Variants in IGF2BP3 observed in about 807,000 individuals in gnomAD.
The protein encoded by IGF2BP3 is insulin-like growth factor 2 mRNA-binding protein 3.
Under a neutral mutation model 73.8 loss-of-function variants are expected in IGF2BP3, and 9 were observed. The observed-to-expected ratio is 0.12, with a 90% confidence interval of 0.07 to 0.21. The LOEUF is 0.21. IGF2BP3 is among the 10% of genes least tolerant of loss of function. The pLI is 1.00. For missense variants in IGF2BP3, 542 were observed against 714.0 expected (o/e 0.76, Z 2.75); for synonymous variants, 258 against 256.7 (o/e 1.01, Z -0.05).
intron 10 of IGF2BP3, among the ~76,000 whole-genome samples, chr7:23,324,202 G>T (rs1169500100): frequency 2.0e-5 from 3 of 151,170 alleles, no homozygotes; most frequent in African/African-American, 4.9e-5. Context: ...AAAGAGAGAA[G>T]AATCAAATAG....
chr7:23,337,017 T>C (rs1784591328), intron 10 of IGF2BP3, among the ~76,000 whole-genome samples: 1 of 152,070 alleles, frequency 6.6e-6, no homozygotes, highest in African/African-American at 2.4e-5. Flanking sequence ...TTTACTGCCT[T>C]TAAAAACAAT....
chr7:23,388,384 G>C (rs1369302230), intron 3 of IGF2BP3, among the ~76,000 whole-genome samples: 1 of 152,150 alleles, frequency 6.6e-6, no homozygotes, highest in African/African-American at 2.4e-5. Flanking sequence ...AACTGACAAT[G>C]CACAGATGAA....
chr7:23,388,650 A>G (rs1401774040), intron 3 of IGF2BP3, among the ~76,000 whole-genome samples: 1 of 149,340 alleles, frequency 6.7e-6, no homozygotes, highest in Non-Finnish European at 1.5e-5. Context: ...ACATTCCCCA[A>G]GGGAGGAGAT....
At chr7:23,376,519 A>G (rs1483946807) in intron 3 of IGF2BP3, among the ~76,000 whole-genome samples, 1 of 143,202 alleles carries the variant, frequency 7.0e-6, no homozygotes, top group Admixed American at 7.2e-5. Flanking sequence ...TGGGCAACAG[A>G]GTAAGGCTCC....
At chr7:23,427,977 G>A (rs572624705) in intron 2 of IGF2BP3, among the ~76,000 whole-genome samples, 39 of 152,154 alleles carry the variant, frequency 2.6e-4, no homozygotes, top group African/African-American at 8.7e-4. Flanking sequence ...CTGCACTCCA[G>A]CCTGGGTGAC....
intron 2 of IGF2BP3, among the ~76,000 whole-genome samples, chr7:23,449,932 C>G (rs896187184): frequency 6.6e-6 from 1 of 152,054 alleles, no homozygotes; most frequent in Non-Finnish European, 1.5e-5. Context: ...ATAAGGAATC[C>G]CTGACACACT....
intron 3 of IGF2BP3, among the ~76,000 whole-genome samples, chr7:23,375,699 G>C (rs1485900434): frequency 6.6e-6 from 1 of 152,120 alleles, no homozygotes; most frequent in Non-Finnish European, 1.5e-5. Context: ...AAATGTCCAC[G>C]ATTGTATGGT....
intron 2 of IGF2BP3, among the ~76,000 whole-genome samples, chr7:23,425,883 G>A (rs1165894358): frequency 6.6e-6 from 1 of 151,866 alleles, no homozygotes; most frequent in Non-Finnish European, 1.5e-5. Context: ...AGGATCAACT[G>A]AGCCCTAGGG....
chr7:23,418,884 C>T (rs1562741398), intron 2 of IGF2BP3, 60 bp from the exon 3 acceptor site: 8 of 1,078,396 alleles, frequency 7.4e-6, no homozygotes, highest in Non-Finnish European at 1.1e-5. Flanking sequence ...ACAATAATAG[C>T]CAACATGGAA....
At chr7:23,384,617 G>A (rs1475269812) in intron 3 of IGF2BP3, among the ~76,000 whole-genome samples, 2 of 152,066 alleles carry the variant, frequency 1.3e-5, no homozygotes, top group Non-Finnish European at 2.9e-5. Context: ...GGCACTGGGC[G>A]AGGTGGCTCA....
chr7:23,375,272 C>T (rs1785682805), intron 3 of IGF2BP3, among the ~76,000 whole-genome samples: 1 of 152,140 alleles, frequency 6.6e-6, no homozygotes, highest in African/African-American at 2.4e-5. Context: ...GGTGATCCAT[C>T]CGTGTTGGTA....
At chr7:23,467,545 T>C (rs893754331) in intron 2 of IGF2BP3, among the ~76,000 whole-genome samples, 1 of 152,172 alleles carries the variant, frequency 6.6e-6, no homozygotes, top group South Asian at 2.1e-4. Flanking sequence ...GCCTTTCCAA[T>C]TGCAGTTAGA....
At chr7:23,341,431 C>T (rs923773106) in intron 10 of IGF2BP3, among the ~76,000 whole-genome samples, 1 of 152,066 alleles carries the variant, frequency 6.6e-6, no homozygotes, top group Non-Finnish European at 1.5e-5. Context: ...TTTGAGAGGC[C>T]GAGGCAGGCA....
chr7:23,436,051 C>T (rs992505915), intron 2 of IGF2BP3, among the ~76,000 whole-genome samples: 6 of 152,144 alleles, frequency 3.9e-5, no homozygotes, highest in Non-Finnish European at 5.9e-5. Context: ...GCCACATGCC[C>T]GGCCAACATC....
intron 3 of IGF2BP3, among the ~76,000 whole-genome samples, chr7:23,378,568 T>TG (rs1270921072): frequency 8.1e-5 from 9 of 110,556 alleles, no homozygotes; most frequent in African/African-American, 2.6e-4. Context: ...AATTTTTGCT[T>TG]GTTTTTTTTT....
At chr7:23,366,150 T>C (rs551215964) in intron 3 of IGF2BP3, among the ~76,000 whole-genome samples, 1 of 152,258 alleles carries the variant, frequency 6.6e-6, no homozygotes, top group East Asian at 1.9e-4. Flanking sequence ...AATCTTTTTT[T>C]TTTTTTAGAC....
At chr7:23,434,511 C>G (rs1787762231) in intron 2 of IGF2BP3, among the ~76,000 whole-genome samples, 1 of 152,106 alleles carries the variant, frequency 6.6e-6, no homozygotes, top group Non-Finnish European at 1.5e-5. Context: ...TAATTGTGTT[C>G]AAGAAACTCA....
intron 2 of IGF2BP3, among the ~76,000 whole-genome samples, chr7:23,427,293 A>G (rs571207904): frequency 7.2e-5 from 11 of 152,158 alleles, no homozygotes; most frequent in Non-Finnish European, 1.3e-4. Flanking sequence ...CATTCCGTGA[A>G]TTTCTTGGAG....
At chr7:23,334,806 GACAT>G (rs1366161241) in intron 10 of IGF2BP3, among the ~76,000 whole-genome samples, 1 of 152,160 alleles carries the variant, frequency 6.6e-6, no homozygotes, top group East Asian at 1.9e-4. Context: ...CTATCGTGAA[GACAT>G]ACAAGTATGA....
Sources: allele counts gnomAD v4.1 joint callset (sites outside exome capture counted in the v4.1 genomes callset), GRCh38; gene constraint gnomAD v4.1.1; transcripts MANE v1.5; gene names NCBI Gene and HGNC (gene_info 2026-07-23, HGNC 2026-07-21).